PCGF5: variants seen among roughly 807,000 people sequenced by gnomAD.
The protein encoded by PCGF5 is polycomb group ring finger 5, also known as polycomb group RING finger protein 5.
PCGF5 carries 9 observed loss-of-function variants against 44.3 expected under a neutral mutation model. That is an observed-to-expected ratio of 0.20 (90% CI 0.12 to 0.35). The LOEUF is 0.35. Among genes scored for constraint, PCGF5 ranks in the 10% least tolerant of loss-of-function variants. The pLI, the probability that PCGF5 is intolerant of heterozygous loss-of-function variation, is 1.00. For missense variants in PCGF5, 146 were observed against 305.3 expected, an observed-to-expected ratio of 0.48 and a Z score of 3.89; for synonymous variants, 95 against 102.5, an observed-to-expected ratio of 0.93 and a Z score of 0.44.
chr10:91,176,009 C>T lies in PCGF5; in HGVS notation c.-184+12928C>T, dbSNP rs530336648. Among the ~76,000 whole-genome samples, 1,426 of 152,240 alleles carry T rather than the reference C, an allele frequency of 9.4e-3. 14 individuals are homozygous for T. The highest frequency in any genetic ancestry group is 0.023 in the African/African-American group (973 of 41,528). Reference sequence around the variant, plus strand: ...TGATGCAGTTTCTTCCTAGCCTCCACGGTCTTTACAATTTGGCATGTTTTT... The same window carrying T: ...TGATGCAGTTTCTTCCTAGCCTCCATGGTCTTTACAATTTGGCATGTTTTT... On this transcript the variant is annotated intron_variant, in intron 1 of 9. Transcript: ENST00000614189.
chr10:91,200,912 C>T (rs899451672), intron 1 of PCGF5, among the ~76,000 whole-genome samples: 2 of 151,786 alleles, frequency 1.3e-5, no homozygotes, highest in Non-Finnish European at 1.5e-5. Context: ...TAGCTGTGTT[C>T]GTGATTACTG....
At chr10:91,159,898 C>T (rs1843358394), upstream of PCGF5, among the ~76,000 whole-genome samples, 3 of 152,222 alleles carry the variant, frequency 2.0e-5, no homozygotes, top group South Asian at 6.2e-4. Context: ...GGCTTCAGTT[C>T]CCTCACTTAA....
intron 2 of PCGF5, among the ~76,000 whole-genome samples, chr10:91,239,731 G>C (rs1338963326): frequency 6.6e-6 from 1 of 152,130 alleles, no homozygotes; most frequent in Admixed American, 6.6e-5. Flanking sequence ...AGATGAGAGA[G>C]ATTTATAGCC....
At chr10:91,217,182 T>C (rs751982035), upstream of PCGF5, among the ~76,000 whole-genome samples, 182 of 152,238 alleles carry the variant, frequency 1.2e-3, no homozygotes, top group Non-Finnish European at 1.9e-3. Flanking sequence ...TACAGGCACC[T>C]GCCACCACGC....
intron 8 of PCGF5, among the ~76,000 whole-genome samples, chr10:91,264,906 G>A (rs1355080597): frequency 6.6e-6 from 1 of 152,056 alleles, no homozygotes; most frequent in Non-Finnish European, 1.5e-5. Context: ...TTTATTTTTG[G>A]TTGTGGTAGA....
At chr10:91,254,467 G>T (rs1172345437) in intron 6 of PCGF5, among the ~76,000 whole-genome samples, 1 of 151,830 alleles carries the variant, frequency 6.6e-6, no homozygotes, top group African/African-American at 2.4e-5. Context: ...TGTCAATTAG[G>T]GATTAGTTTG....
chr10:91,256,668 A>G (rs1164325589), intron 6 of PCGF5, among the ~76,000 whole-genome samples: 4 of 152,114 alleles, frequency 2.6e-5, no homozygotes, highest in South Asian at 2.1e-4. Flanking sequence ...TCAAAGACAA[A>G]GAGAGAATCT....
chr10:91,172,809 A>G (rs1488318163), intron 1 of PCGF5, among the ~76,000 whole-genome samples: 1 of 152,242 alleles, frequency 6.6e-6, no homozygotes, highest in African/African-American at 2.4e-5. Flanking sequence ...TTTCACAGCT[A>G]TATTTAGTGG....
chr10:91,250,497 C>CTTTT (rs56288334), intron 5 of PCGF5, among the ~76,000 whole-genome samples: 34 of 132,126 alleles, frequency 2.6e-4, no homozygotes, highest in African/African-American at 9.6e-4. Context: ...CTGGTTTTTT[C>CTTTT]TTTTTTTTTT....
intron 9 of PCGF5, among the ~76,000 whole-genome samples, chr10:91,274,379 C>T (rs1413564133): frequency 1.3e-5 from 2 of 152,028 alleles, no homozygotes; most frequent in African/African-American, 2.4e-5. Flanking sequence ...TAAGGTCTTG[C>T]CTTAAACATA....
chr10:91,233,186 A>T (rs1386468501), intron 2 of PCGF5, among the ~76,000 whole-genome samples: 2 of 152,074 alleles, frequency 1.3e-5, no homozygotes, highest in African/African-American at 4.8e-5. Flanking sequence ...GAATGGGGCC[A>T]TCCCAGTCTT....
intron 1 of PCGF5, among the ~76,000 whole-genome samples, chr10:91,163,593 G>T (rs1447581376): frequency 6.6e-6 from 1 of 152,118 alleles, no homozygotes; most frequent in Admixed American, 6.5e-5. Context: ...CCGGCGCCTA[G>T]TTTGGGGGCC....
intron 2 of PCGF5, among the ~76,000 whole-genome samples, chr10:91,228,586 C>A (rs956391411): frequency 6.6e-6 from 1 of 151,972 alleles, no homozygotes; most frequent in Admixed American, 6.6e-5. Context: ...AGAGACTCGG[C>A]GATTTTATGT....
chr10:91,168,302 G>C (rs1564623198), intron 1 of PCGF5, among the ~76,000 whole-genome samples: 1 of 152,152 alleles, frequency 6.6e-6, no homozygotes, highest in Non-Finnish European at 1.5e-5. Context: ...TGAGAAGAAA[G>C]AAGCAGGAGG....
intron 8 of PCGF5, among the ~76,000 whole-genome samples, chr10:91,264,960 C>T (rs1166834456): frequency 6.6e-6 from 1 of 152,000 alleles, no homozygotes; most frequent in Non-Finnish European, 1.5e-5. Context: ...TTTCAGGTAC[C>T]TCCTTTTCGT....
upstream of PCGF5, among the ~76,000 whole-genome samples, chr10:91,162,186 T>A (rs1843397752): frequency 6.6e-6 from 1 of 151,062 alleles, no homozygotes; most frequent in African/African-American, 2.4e-5. Context: ...GAGGGGAGAC[T>A]GAAAAATGGA....
chr10:91,231,761 A>T (rs757773996), intron 2 of PCGF5, among the ~76,000 whole-genome samples: 1 of 152,244 alleles, frequency 6.6e-6, no homozygotes, highest in South Asian at 2.1e-4. Flanking sequence ...AATCACTCAG[A>T]CTACTATGTC....
chr10:91,211,566 G>T (rs890083310), intron 1 of PCGF5, among the ~76,000 whole-genome samples: 1 of 152,292 alleles, frequency 6.6e-6, no homozygotes, highest in Admixed American at 6.5e-5. Flanking sequence ...ACCAACTTAG[G>T]TATCAGGTTC....
intron 1 of PCGF5, among the ~76,000 whole-genome samples, chr10:91,221,586 C>G (rs1220523167): frequency 6.6e-6 from 1 of 152,168 alleles, no homozygotes; most frequent in Non-Finnish European, 1.5e-5. Flanking sequence ...GATGGAATGC[C>G]TTTTACCTTT....
Sources: allele counts gnomAD v4.1 joint callset (sites outside exome capture counted in the v4.1 genomes callset), GRCh38; gene constraint gnomAD v4.1.1; transcripts MANE v1.5; gene names NCBI Gene and HGNC (gene_info 2026-07-23, HGNC 2026-07-21).